Variants in SLC38A7 observed in about 807,000 individuals in gnomAD.
SLC38A7 encodes the protein sodium-coupled neutral amino acid transporter 7.
A neutral mutation model predicts 50.1 loss-of-function variants in SLC38A7; 29 were observed. That is an observed-to-expected ratio of 0.58 (90% CI 0.43 to 0.79). The LOEUF (loss-of-function observed/expected upper bound fraction) is 0.79, where lower values mean the gene tolerates loss of function less well. Ranked by LOEUF, SLC38A7 falls within the 30% of genes least tolerant of loss-of-function variation. The probability of loss-of-function intolerance (pLI) is 0.00; values close to 1 mark genes in which losing one functional copy is unlikely to be tolerated. For synonymous variants in SLC38A7, 244 were observed against 245.9 expected, an observed-to-expected ratio of 0.99 and a Z score of 0.07; for missense variants, 483 against 610.6, an observed-to-expected ratio of 0.79 and a Z score of 2.20.
rs941965850 is a variant in SLC38A7 at position 58,667,232 on chromosome 16, G to A, written c.*153C>T. 2.0e-5 allele frequency: 15 copies of A among 734,302 alleles called. No homozygotes were observed. The Admixed American group carries it at 3.5e-4, about 17-fold the overall frequency. 45.5% of individuals were successfully genotyped at this position (734,302 alleles called of 1,614,324 possible). A position where few individuals can be genotyped will look rare whatever the true frequency, so the allele number is the denominator to read the frequency against. On this transcript the variant is annotated 3_prime_UTR_variant, in exon 12 of 12. Transcript: ENST00000219320. Reference sequence around the variant, plus strand: ...GACTGGATTTGAGCTGTCCAGAGGTGTGGGGCCTGAGTTTGCCCCAGTCCC... The same window carrying A: ...GACTGGATTTGAGCTGTCCAGAGGTATGGGGCCTGAGTTTGCCCCAGTCCC...
In SLC38A7 at chr16:58,671,203, G is replaced by C. The variant is rs2044152951; in HGVS notation, c.1073C>G (p.Pro358Arg). ...EGLWLRYQGV[P>R]VEEDVGRERR... ...CTCCCGCCCCACGTCCTCCTCCACT[G>C]GCACCCCCTGGTAGCGCAGCCACAG... is the stretch of plus-strand genomic sequence containing the variant. The change falls in exon 10 of 12, where the codon CCA becomes CGA. Residue 358 changes from proline (P) to arginine (R), a missense_variant. Transcript: ENST00000219320. The C allele has an allele frequency of 6.2e-7, 1 of 1,613,898 alleles. No homozygotes were observed. The highest frequency in any genetic ancestry group is 8.5e-7 in the Non-Finnish European group (1 of 1,179,908).
At chr16:58,669,980 A>G in intron 11 of SLC38A7, 133 bp downstream of exon 11, 1 of 812,628 alleles carries the variant, frequency 1.2e-6, no homozygotes, top group Non-Finnish European at 1.9e-6. Context: ...GGCTCAAAAA[A>G]AAAAAAACAA....
In SLC38A7 at chr16:58,672,166, C is replaced by A. The variant is rs749703806; in HGVS notation, c.961G>T (p.Val321Leu). 80 of 1,567,836 alleles carry A rather than the reference C, an allele frequency of 5.1e-5. No homozygotes were observed. The highest frequency in any genetic ancestry group is 6.8e-5 in the Non-Finnish European group (79 of 1,156,516). The change falls in exon 9 of 12, where the codon GTG becomes TTG. Residue 321 changes from valine (V) to leucine (L), a missense_variant. Coordinates refer to ENST00000219320, the MANE Select transcript of SLC38A7 (RefSeq NM_018231.3). The stretch of plus-strand genomic sequence containing the variant: ...ATGATGAAGGCTCGGGCAACGGCCA[C>A]GGCCATGTCCTCCGAGGGATAGGAC... ...LLSYPSEDMA[V>L]AVARAFIILS... is the part of the protein sequence containing the mutation.
chr16:58,682,808 T>G (rs2044418964), intron 2 of SLC38A7, among the ~76,000 whole-genome samples: 2 of 152,072 alleles, frequency 1.3e-5, no homozygotes, highest in Non-Finnish European at 2.9e-5. Context: ...ATTTTTGTAT[T>G]TTTAGTAGAG....
chr16:58,672,464 T>C (rs1352015122), intron 8 of SLC38A7, among the ~76,000 whole-genome samples: 1 of 152,176 alleles, frequency 6.6e-6, no homozygotes, highest in Non-Finnish European at 1.5e-5. Flanking sequence ...TTTCTGAGCC[T>C]GAACTTGCCC....
intron 3 of SLC38A7, chr16:58,679,613 A>G (rs1306153744): frequency 1.8e-6 from 1 of 561,868 alleles, no homozygotes; most frequent in Non-Finnish European, 3.1e-6. Context: ...CACAAAATCA[A>G]TGTTACACCT....
At chr16:58,679,830 C>T in intron 3 of SLC38A7, 27 bp downstream of exon 3, 3 of 1,612,238 alleles carry the variant, frequency 1.9e-6, no homozygotes, top group Non-Finnish European at 2.5e-6. Context: ...TGAACTGCAC[C>T]TCTGCCCTCC....
chr16:58,677,696 G>A (rs138431826), intron 5 of SLC38A7: 4 of 447,118 alleles, frequency 8.9e-6, no homozygotes, highest in Non-Finnish European at 1.7e-5. Context: ...ACGATGCAGA[G>A]AGCAGAGCTC....
At chr16:58,673,269 T>C (rs2152076757) in intron 8 of SLC38A7, among the ~76,000 whole-genome samples, 1 of 148,168 alleles carries the variant, frequency 6.7e-6, no homozygotes, top group Admixed American at 6.8e-5. Flanking sequence ...GGAGTTTTGC[T>C]CTTTCACCCA....
intron 6 of SLC38A7, 57 bp downstream of exon 6, chr16:58,677,269 C>T (rs2044287772): frequency 6.7e-7 from 1 of 1,491,006 alleles, no homozygotes; most frequent in Non-Finnish European, 9.4e-7. Context: ...GACCCAGCAC[C>T]TGCTGGGGCC....
intron 2 of SLC38A7, among the ~76,000 whole-genome samples, chr16:58,682,976 T>A (rs2044423870): frequency 6.6e-6 from 1 of 151,532 alleles, no homozygotes. Flanking sequence ...CCTTTCAAAA[T>A]TCAGGCCAAT....
intron 11 of SLC38A7, among the ~76,000 whole-genome samples, chr16:58,669,144 T>C (rs1287656945): frequency 2.3e-5 from 3 of 130,980 alleles, no homozygotes; most frequent in South Asian, 2.6e-4. Flanking sequence ...AGACAGAGTT[T>C]CCCTCTTGTT....
chr16:58,676,100 C>A lies in SLC38A7; in HGVS notation c.769-46G>T, dbSNP rs1179637230. ...GTCATGGTGGGGAAATGACCTCAAC[C>A]CCAGTTTCCAGAGGAAGGTACCTTG... On this transcript the variant is annotated intron_variant, in intron 7 of 11. Transcript: ENST00000219320. 1.9e-6 allele frequency: 3 copies of A among 1,594,624 alleles called. No homozygotes were observed. In the South Asian group the frequency reaches 3.3e-5, roughly 18 times the overall value.
At chr16:58,674,118 C>G (rs1374678368) in intron 8 of SLC38A7, among the ~76,000 whole-genome samples, 2 of 152,156 alleles carry the variant, frequency 1.3e-5, no homozygotes, top group African/African-American at 4.8e-5. Flanking sequence ...AGCCACCATG[C>G]CTGGCGGACG....
intron 2 of SLC38A7, among the ~76,000 whole-genome samples, chr16:58,683,166 A>G (rs1360104875): frequency 1.3e-5 from 2 of 152,212 alleles, no homozygotes; most frequent in African/African-American, 4.8e-5. Context: ...GGCGTGAGCC[A>G]CAGCCCCCAG....
At chr16:58,671,328 G>A in intron 9 of SLC38A7, 84 bp from the exon 10 acceptor site, 1 of 1,389,374 alleles carries the variant, frequency 7.2e-7, no homozygotes, top group Non-Finnish European at 9.9e-7. Context: ...ACCCCTAACT[G>A]GGTAGACTGC....
chr16:58,678,265 A>G lies in SLC38A7; in HGVS notation c.611+68T>C. On this transcript the variant is annotated intron_variant, in intron 5 of 11. Coordinates refer to ENST00000219320, the MANE Select transcript of SLC38A7 (RefSeq NM_018231.3). The surrounding 1 kb of genome is among the most constrained non-coding windows in gnomAD (Gnocchi z 4.0). Reference sequence around the variant, plus strand: ...GTGGCATGGAGGAGCAGGGTTCCCCAGGAGCCCTTGGGTCTACAGCTGCCC... The same window carrying G: ...GTGGCATGGAGGAGCAGGGTTCCCCGGGAGCCCTTGGGTCTACAGCTGCCC... 6.9e-7 allele frequency: 1 copy of G among 1,443,470 alleles called. No individual in the cohort carries two copies. Among genetic ancestry groups the G allele is most frequent in the Non-Finnish European group, 9.2e-7 (1 of 1,091,826 alleles). 89.4% of individuals were successfully genotyped at this position (1,443,470 alleles called of 1,614,324 possible).
Position 58,680,182 on chromosome 16 carries a change from C to G in SLC38A7, c.-56G>C. ...GTGGGTTCTGCCTTACAACCACATG[C>G]CTCAGGGAGCTGAGCAACACCCACC... On this transcript the variant is annotated 5_prime_UTR_variant, in exon 3 of 12. Coordinates refer to ENST00000219320, the MANE Select transcript of SLC38A7 (RefSeq NM_018231.3). 1 of 1,488,434 alleles carries G rather than the reference C, an allele frequency of 6.7e-7. No individual in the cohort carries two copies. The allele number at this position is 1,488,434 out of a possible 1,614,324, so 92.2% of individuals were successfully genotyped here.
chr16:58,671,444 C>T, intron 9 of SLC38A7, 200 bp from the exon 10 acceptor site: 1 of 603,450 alleles, frequency 1.7e-6, no homozygotes, highest in Non-Finnish European at 2.9e-6. Context: ...GAGCTTAGCA[C>T]TTTGCTTTAC....
Sources: gnomAD v4.1 joint callset for allele counts (sites outside exome capture counted in the v4.1 genomes callset) on GRCh38, gnomAD v4.1.1 for gene constraint, Gnocchi (gnomAD v3.1) non-coding constraint, MANE v1.5 for transcripts, NCBI Gene and HGNC (gene_info 2026-07-23, HGNC 2026-07-21) for gene names.